Variants in ADAMTS2 observed in about 807,000 individuals in gnomAD.
The protein encoded by ADAMTS2 is A disintegrin and metalloproteinase with thrombospondin motifs 2.
A neutral mutation model predicts 123.0 loss-of-function variants in ADAMTS2; 50 were observed. The observed-to-expected ratio is 0.41, with a 90% CI of 0.32 to 0.51. The LOEUF is 0.51. Among genes scored for constraint, ADAMTS2 ranks in the 20% least tolerant of loss-of-function variants. The pLI, the probability that ADAMTS2 is intolerant of heterozygous loss-of-function variation, is 0.35. For missense variants in ADAMTS2, 1,494 were observed against 1,705.2 expected (o/e 0.88, Z 2.18); for synonymous variants, 678 against 695.4 (o/e 0.98, Z 0.39).
chr5:179,139,711 G>A (rs1414153388), intron 11 of ADAMTS2, among the ~76,000 whole-genome samples, 179 bp downstream of exon 11: 1 of 152,174 alleles, frequency 6.6e-6, no homozygotes, highest in Non-Finnish European at 1.5e-5. Context: ...GCAGAGCTAA[G>A]CGTCCCCTGA....
At chr5:179,277,323 CCCGAGACCAAAGGCTG>C (rs1766729299) in intron 2 of ADAMTS2, among the ~76,000 whole-genome samples, 1 of 62,594 alleles carries the variant, frequency 1.6e-5, no homozygotes, top group African/African-American at 1.1e-4. Context: ...AGGCTGACAC[CCCGAGACCAAAGGCTG>C]ACCCCCCTGA....
At chr5:179,190,980 C>T (rs1055910915) in intron 4 of ADAMTS2, among the ~76,000 whole-genome samples, 4 of 152,258 alleles carry the variant, frequency 2.6e-5, no homozygotes, top group East Asian at 1.9e-4. Context: ...CCGCTGGCTG[C>T]GTCGCCTTTG....
chr5:179,312,786 G>A lies in ADAMTS2; in HGVS notation c.534+30981C>T, dbSNP rs922735413. 5.9e-5 allele frequency among the ~76,000 whole-genome samples: 9 copies of A among 152,160 alleles called. No homozygotes were observed. Among genetic ancestry groups the A allele is most frequent in the Admixed American group, 1.3e-4 (2 of 15,278 alleles). ...AGCCCAGGACGCATCCTCCCCTAGA[G>A]GCTCCGGAGGGAGCGCGGCCCTGCC... is the stretch of plus-strand genomic sequence containing the variant. On this transcript the variant is annotated intron_variant, in intron 2 of 21. Transcript: ENST00000251582. The surrounding 1 kb of genome is among the most constrained non-coding windows in gnomAD (Gnocchi z 4.2).
rs1763622130 is a variant in ADAMTS2 at position 179,162,804 on chromosome 5, A to G, written c.976-3925T>C. On this transcript the variant is annotated intron_variant, in intron 5 of 21. Coordinates refer to ENST00000251582, the MANE Select transcript of ADAMTS2 (RefSeq NM_014244.5). The surrounding 1 kb of genome is among the most constrained non-coding windows in gnomAD (Gnocchi z 5.1). Reference sequence around the variant, plus strand: ...CCTGAAGAAGTTCCTCTCCTTGTGAAAGCCAATTCTGAGTTGTGCTCTTGT... The same window carrying G: ...CCTGAAGAAGTTCCTCTCCTTGTGAGAGCCAATTCTGAGTTGTGCTCTTGT... Among the ~76,000 whole-genome samples, 1 of 152,218 alleles carries G rather than the reference A, an allele frequency of 6.6e-6. No homozygotes were observed. Among genetic ancestry groups the G allele is most frequent in the Admixed American group, 6.5e-5 (1 of 15,278 alleles).
intron 2 of ADAMTS2, among the ~76,000 whole-genome samples, chr5:179,302,286 C>T (rs915474592): frequency 6.6e-6 from 1 of 150,680 alleles, no homozygotes; most frequent in Non-Finnish European, 1.5e-5. Flanking sequence ...ACAGTGAAAC[C>T]CCGTCTCTAC....
At chr5:179,268,042 CCT>C (rs1766421750) in intron 3 of ADAMTS2, among the ~76,000 whole-genome samples, 1 of 152,240 alleles carries the variant, frequency 6.6e-6, no homozygotes. Context: ...CTCAGTTCAT[CCT>C]CTCATTCCAG....
chr5:179,118,739 T>G lies in ADAMTS2; in HGVS notation c.3178+2922A>C. On this transcript the variant is annotated intron_variant, in intron 21 of 21. Transcript: ENST00000251582. The surrounding 1 kb of genome is among the most constrained non-coding windows in gnomAD (Gnocchi z 4.5). ...AGTCACACTTTAACTCATCAAATTC[T>G]AGAGAGAGACTCCTGCCTGCCAAGC... Among the ~76,000 whole-genome samples the G allele has an allele frequency of 6.6e-6, 1 of 152,198 alleles. No homozygotes were observed.
intron 4 of ADAMTS2, among the ~76,000 whole-genome samples, chr5:179,190,857 C>G (rs1764288058): frequency 1.3e-5 from 2 of 152,282 alleles, no homozygotes; most frequent in Non-Finnish European, 2.9e-5. Flanking sequence ...CTGGCCATCA[C>G]CATCGGGAGA....
In ADAMTS2 at chr5:179,317,955, G is replaced by A. The variant is rs1472875953; in HGVS notation, c.534+25812C>T. On this transcript the variant is annotated intron_variant, in intron 2 of 21. Coordinates refer to ENST00000251582, the MANE Select transcript of ADAMTS2 (RefSeq NM_014244.5). The surrounding 1 kb of genome is among the most constrained non-coding windows in gnomAD (Gnocchi z 4.9). Reference sequence around the variant, plus strand: ...GGGGCTCATCCAGGGCTGGGGTGGAGCCGGGACATGAGGAACGGGCAGTGA... The same window carrying A: ...GGGGCTCATCCAGGGCTGGGGTGGAACCGGGACATGAGGAACGGGCAGTGA... Among the ~76,000 whole-genome samples the A allele has an allele frequency of 1.3e-5, 2 of 152,180 alleles. No homozygotes were observed. The highest frequency in any genetic ancestry group is 4.8e-5 in the African/African-American group (2 of 41,442).
At position 179,317,616 on chromosome 5, in the gene ADAMTS2, T is replaced by A. The variant is rs1464227013; in HGVS notation, c.534+26151A>T. On this transcript the variant is annotated intron_variant, in intron 2 of 21. Coordinates refer to ENST00000251582, the MANE Select transcript of ADAMTS2 (RefSeq NM_014244.5). This position sits in a 1 kb window ranked among gnomAD's most constrained non-coding sequence, Gnocchi z 4.9. ...CACTGCAGTGTTGGTGTAATCTATGTCCCCCGGATGGCCAGCGGGCACAGA... is the reference window on the plus strand; with the variant it reads ...CACTGCAGTGTTGGTGTAATCTATGACCCCCGGATGGCCAGCGGGCACAGA... Among the ~76,000 whole-genome samples, 2 of 152,018 alleles carry A rather than the reference T, an allele frequency of 1.3e-5. No homozygotes were observed. Among genetic ancestry groups the A allele is most frequent in the Non-Finnish European group, 2.9e-5 (2 of 68,012 alleles).
rs1422542585 is a variant in ADAMTS2 at position 179,256,389 on chromosome 5, G to A, written c.688+16522C>T. On this transcript the variant is annotated intron_variant, in intron 3 of 21. Coordinates refer to ENST00000251582, the MANE Select transcript of ADAMTS2 (RefSeq NM_014244.5). The surrounding 1 kb of genome is among the most constrained non-coding windows in gnomAD (Gnocchi z 4.1). ...GCCAAGGCAGCAGGACTCATCCAGA[G>A]ACAGGACAGACCCTGGGCTCCTGGT... is the stretch of plus-strand genomic sequence containing the variant. Among the ~76,000 whole-genome samples the A allele has an allele frequency of 1.3e-5, 2 of 152,182 alleles. No homozygotes were observed. Among genetic ancestry groups the A allele is most frequent in the Non-Finnish European group, 2.9e-5 (2 of 68,038 alleles).
intron 4 of ADAMTS2, among the ~76,000 whole-genome samples, chr5:179,192,961 G>A (rs543844373): frequency 1.8e-4 from 28 of 152,296 alleles, no homozygotes; most frequent in Admixed American, 7.8e-4. Flanking sequence ...AGCCGCACGC[G>A]CCTTCTCCCA....
intron 3 of ADAMTS2, among the ~76,000 whole-genome samples, chr5:179,250,418 T>C (rs955835130): frequency 6.6e-6 from 1 of 152,234 alleles, no homozygotes; most frequent in Non-Finnish European, 1.5e-5. Context: ...ACAGGGTTTC[T>C]TTTGGGAGCA....
intron 2 of ADAMTS2, among the ~76,000 whole-genome samples, chr5:179,334,569 G>A (rs568140261): frequency 1.3e-5 from 2 of 152,314 alleles, no homozygotes; most frequent in Admixed American, 6.5e-5. Flanking sequence ...TTAAAGCCAG[G>A]CACAGATGAG....
chr5:179,183,282 G>A (rs893687876), intron 4 of ADAMTS2, among the ~76,000 whole-genome samples: 4 of 152,146 alleles, frequency 2.6e-5, no homozygotes, highest in Admixed American at 6.5e-5. Flanking sequence ...TCTCTATCAC[G>A]ACAAAGCTTG....
intron 3 of ADAMTS2, among the ~76,000 whole-genome samples, chr5:179,258,441 C>T (rs1766126447): frequency 6.6e-6 from 1 of 152,124 alleles, no homozygotes; most frequent in Admixed American, 6.5e-5. Context: ...CCTTTGTTCT[C>T]CTGACTCCAT....
At chr5:179,344,452 G>A (rs1757879881) in intron 1 of ADAMTS2, among the ~76,000 whole-genome samples, 1 of 152,198 alleles carries the variant, frequency 6.6e-6, no homozygotes, top group Admixed American at 6.5e-5. Flanking sequence ...GGCTCGGTGG[G>A]AACCTCCCCG....
chr5:179,291,940 T>C (rs1320956743), intron 2 of ADAMTS2, among the ~76,000 whole-genome samples: 1 of 151,562 alleles, frequency 6.6e-6, no homozygotes, highest in Non-Finnish European at 1.5e-5. Flanking sequence ...AATGAGGTCT[T>C]GCTATGTTGC....
At chr5:179,322,674 A>G (rs1019942572) in intron 2 of ADAMTS2, among the ~76,000 whole-genome samples, 63 of 152,312 alleles carry the variant, frequency 4.1e-4, no homozygotes, top group Non-Finnish European at 5.0e-4. Flanking sequence ...CCCCTCTGGG[A>G]GGGCACTAGA....
Sources: gnomAD v4.1 joint callset for allele counts (sites outside exome capture counted in the v4.1 genomes callset) on GRCh38, gnomAD v4.1.1 for gene constraint, Gnocchi (gnomAD v3.1) non-coding constraint, MANE v1.5 for transcripts, NCBI Gene and HGNC (gene_info 2026-07-23, HGNC 2026-07-21) for gene names.